NABP2: variants seen among roughly 807,000 people sequenced by gnomAD.
NABP2 encodes the protein nucleic acid binding protein 2, also known as SOSS complex subunit B1.
NABP2 carries 7 observed loss-of-function variants against 22.7 expected under a neutral mutation model. The ratio of observed to expected loss-of-function variants is 0.31; its 90% CI spans 0.18 to 0.58. The LOEUF (loss-of-function observed/expected upper bound fraction) is 0.58. NABP2 is among the 20% of genes least tolerant of loss of function. The pLI is 0.89. For synonymous variants in NABP2, 107 were observed against 99.2 expected, an observed-to-expected ratio of 1.08 and a Z score of -0.47; for missense variants, 188 against 265.9, an observed-to-expected ratio of 0.71 and a Z score of 2.04.
At chr12:56,224,726 G>T in intron 1 of NABP2, 108 bp from the exon 2 acceptor site, 1 of 1,049,780 alleles carries the variant, frequency 9.5e-7, no homozygotes, top group Non-Finnish European at 1.4e-6. Flanking sequence ...GGGTTAGAGG[G>T]GTTGAGGCTG....
At position 56,224,954 on chromosome 12, in the gene NABP2, C is replaced by A; in HGVS notation, c.79+19C>A. On this transcript the variant is annotated intron_variant, in intron 2 of 6. Coordinates refer to ENST00000267023, the MANE Select transcript of NABP2 (RefSeq NM_024068.4). ...GAGACAGGTGTCTATACTGGGGTGG[C>A]GGGTTCGCGGGATGGGGGTCGGGGG... 1 of 1,148,334 alleles carries A rather than the reference C, an allele frequency of 8.7e-7. No homozygotes were observed. The highest frequency in any genetic ancestry group is 1.2e-6 in the Non-Finnish European group (1 of 820,582). The allele number at this position is 1,148,334 out of a possible 1,614,324, so 71.1% of individuals were successfully genotyped here.
chr12:56,223,130 G>C (rs1869578107), upstream of NABP2, among the ~76,000 whole-genome samples: 1 of 152,158 alleles, frequency 6.6e-6, no homozygotes, highest in African/African-American at 2.4e-5. Flanking sequence ...CAGCTACTCG[G>C]GAGGCTGAGA....
intron 4 of NABP2, 50 bp from the exon 5 acceptor site, chr12:56,226,129 A>C: frequency 6.4e-7 from 1 of 1,551,490 alleles, no homozygotes; most frequent in Middle Eastern, 1.7e-4. Context: ...GGCCTCCAGC[A>C]GTGGCCCAGA....
At position 56,226,200 on chromosome 12, in the gene NABP2, G is replaced by A. The variant is rs11171780; in HGVS notation, c.312G>A (p.Glu104=). Reference sequence around the variant, plus strand: ...GCAGATTCTGTATGGTTTATTCTGAGGTTCCTAACTTCAGTGAGCCAAACC... The same window carrying A: ...GCAGATTCTGTATGGTTTATTCTGAAGTTCCTAACTTCAGTGAGCCAAACC... ...KIGEFCMVYS[E]VPNFSEPNPE... Residue 104 remains glutamate, a synonymous_variant, in exon 5 of 7, where the codon GAG becomes GAA. Coordinates refer to ENST00000267023, the MANE Select transcript of NABP2 (RefSeq NM_024068.4). The A allele has an allele frequency of 2.5e-6, 4 of 1,614,094 alleles. No homozygotes were observed. The East Asian group carries it at 8.9e-5, about 36-fold the overall frequency.
At chr12:56,223,370 T>C (rs1869595140), upstream of NABP2, among the ~76,000 whole-genome samples, 1 of 151,988 alleles carries the variant, frequency 6.6e-6, no homozygotes, top group South Asian at 2.1e-4. Flanking sequence ...GAGACCAGCC[T>C]GGGAAACATG....
rs958750134 is a variant in NABP2 at position 56,229,131 on chromosome 12, A to G, written c.554A>G (p.Asn185Ser). 4 of 1,308,222 alleles carry G rather than the reference A, an allele frequency of 3.1e-6. No homozygotes were observed. The highest frequency in any genetic ancestry group is 3.4e-5 in the African/African-American group (2 of 58,340). 81.0% of individuals were successfully genotyped at this position (1,308,222 alleles called of 1,614,324 possible). ...ACCCGAATCACTCGAAGCCAGCCCAACCACACACCTGCAGGCCCGCCTGGC... is the reference window on the plus strand; with the variant it reads ...ACCCGAATCACTCGAAGCCAGCCCAGCCACACACCTGCAGGCCCGCCTGGC... ...PSTRITRSQP[N>S]HTPAGPPGPS... Residue 185 changes from asparagine (N) to serine (S), a missense_variant, in exon 7 of 7, where the codon AAC becomes AGC. Transcript: ENST00000267023.
rs753131397 is a variant in NABP2 at position 56,229,734 on chromosome 12, CA to C, written c.*531del. On this transcript the variant is annotated 3_prime_UTR_variant, in exon 7 of 7. Coordinates refer to ENST00000267023, the MANE Select transcript of NABP2 (RefSeq NM_024068.4). ...GGGCAATAAGAGCGAAACTCCATCT[CA>C]AAAAAAAAAGAAAGAAAGAAAGAAA... 7.3e-5 allele frequency: 7 copies of C among 96,016 alleles called. No homozygotes were observed. The highest frequency in any genetic ancestry group is 1.2e-4 in the African/African-American group (4 of 34,686). The allele number at this position is 96,016 out of a possible 1,614,324, so 5.9% of individuals were successfully genotyped here.
At chr12:56,222,962 G>C (rs542319964), upstream of NABP2, among the ~76,000 whole-genome samples, 3 of 152,296 alleles carry the variant, frequency 2.0e-5, no homozygotes, top group South Asian at 6.2e-4. Flanking sequence ...ATGGCCGGGC[G>C]CGGTGGTTCA....
intron 6 of NABP2, among the ~76,000 whole-genome samples, chr12:56,227,035 A>G (rs1869806510): frequency 6.8e-6 from 1 of 147,768 alleles, no homozygotes. Context: ...TGGGCTGCAG[A>G]TATCTTAGTC....
intron 2 of NABP2, 132 bp downstream of exon 2, chr12:56,225,067 C>A: frequency 2.7e-6 from 2 of 727,588 alleles, no homozygotes; most frequent in East Asian, 2.7e-5. Context: ...CCAATCTCTT[C>A]GACCCTGGGA....
chr12:56,225,574 T>A (rs1205639812), intron 3 of NABP2, 50 bp from the exon 4 acceptor site: 1 of 1,613,962 alleles, frequency 6.2e-7, no homozygotes, highest in African/African-American at 1.3e-5. Context: ...GGGTTAACAG[T>A]CCCTATAACA....
rs777431698 is a variant in NABP2, at chr12:56,225,508, A to G, written c.215A>G (p.Lys72Arg). The change falls in exon 3 of 7, where the codon AAA becomes AGA. Residue 72 changes from lysine to arginine, a missense_variant. Physicochemically the swap from Lys to Arg is conservative, Grantham distance 26. Transcript: ENST00000267023. ...IQPGDIIRLTKGYASVFKGCL... is the reference protein window; with the variant it reads ...IQPGDIIRLTRGYASVFKGCL... ...CCTGGGGACATTATCCGGCTCACCA[A>G]AGGGTAAGTCAGCTGGTGACTTCTG... is the stretch of plus-strand genomic sequence containing the variant. 4 of 1,614,108 alleles carry G rather than the reference A, an allele frequency of 2.5e-6. No homozygotes were observed. The highest frequency in any genetic ancestry group is 3.4e-6 in the Non-Finnish European group (4 of 1,180,038).
At chr12:56,227,221 C>T (rs1869814839) in intron 6 of NABP2, among the ~76,000 whole-genome samples, 1 of 151,680 alleles carries the variant, frequency 6.6e-6, no homozygotes. Flanking sequence ...ATTAAAAATA[C>T]AAAAATTAGC....
rs1204234967 is a variant in NABP2 at position 56,225,382 on chromosome 12, C to T, written c.89C>T (p.Thr30Ile). 6.2e-7 allele frequency: 1 copy of T among 1,614,196 alleles called. No homozygotes were observed. Among genetic ancestry groups the T allele is most frequent in the Non-Finnish European group, 8.5e-7 (1 of 1,180,046 alleles). ...TATCTGTTCCGTTCAGGCCGAGTGACCAAGACAAAGGACGGGCATGAGGTT... is the reference window on the plus strand; with the variant it reads ...TATCTGTTCCGTTCAGGCCGAGTGATCAAGACAAAGGACGGGCATGAGGTT... The part of the protein sequence containing the change: ...IFIVLETGRV[T>I]KTKDGHEVRT... The change falls in exon 3 of 7, where the codon ACC becomes ATC. Residue 30 changes from threonine to isoleucine, a missense_variant. Transcript: ENST00000267023.
At chr12:56,227,470 T>C (rs1287482273) in intron 6 of NABP2, among the ~76,000 whole-genome samples, 1 of 152,072 alleles carries the variant, frequency 6.6e-6, no homozygotes, top group Non-Finnish European at 1.5e-5. Flanking sequence ...TGCCTTCATA[T>C]AACAAATGTT....
intron 6 of NABP2, 143 bp downstream of exon 6, chr12:56,226,562 T>C: frequency 3.2e-6 from 2 of 629,006 alleles, no homozygotes; most frequent in African/African-American, 2.1e-5. Flanking sequence ...GACCCCTTTT[T>C]TTTTTTTTTT....
At chr12:56,223,281 G>A (rs1426460862), upstream of NABP2, among the ~76,000 whole-genome samples, 2 of 152,098 alleles carry the variant, frequency 1.3e-5, no homozygotes, top group East Asian at 1.9e-4. Flanking sequence ...GAGTAGTATG[G>A]CCAGGTGCAG....
chr12:56,229,087 T>TACC lies in NABP2; in HGVS notation c.510_511insACC (p.Thr170dup). On this transcript the variant is annotated inframe_insertion, in exon 7 of 7. Transcript: ENST00000267023. ...GTGGTGGCCCACATCCCCCTCATACTCCCTCCCACCCACCCAGCACCCGAA... is the reference window on the plus strand; with the variant it reads ...GTGGTGGCCCACATCCCCCTCATACTACCCCCTCCCACCCACCCAGCACCCGAA... 2 of 1,512,340 alleles carry TACC rather than the reference T, an allele frequency of 1.3e-6. No individual in the cohort carries two copies. Among genetic ancestry groups the TACC allele is most frequent in the Non-Finnish European group, 9.1e-7 (1 of 1,102,012 alleles). The allele number at this position is 1,512,340 out of a possible 1,614,324, so 93.7% of individuals were successfully genotyped here.
In NABP2 at chr12:56,229,092, C is replaced by CG; in HGVS notation, c.515_516insG (p.His173ProfsTer28). 2 of 1,242,308 alleles carry CG rather than the reference C, an allele frequency of 1.6e-6. No homozygotes were observed. The highest frequency in any genetic ancestry group is 2.3e-6 in the Non-Finnish European group (2 of 863,362). The allele number at this position is 1,242,308 out of a possible 1,614,324, so 77.0% of individuals were successfully genotyped here. A position where few individuals can be genotyped will look rare whatever the true frequency, so the allele number is the denominator to read the frequency against. ...GGCCCACATCCCCCTCATACTCCCT[C>CG]CCACCCACCCAGCACCCGAATCACT... On this transcript the variant is annotated frameshift_variant, in exon 7 of 7. Transcript: ENST00000267023. LOFTEE classifies it high-confidence loss of function.
Sources: gnomAD v4.1 joint callset for allele counts (sites outside exome capture counted in the v4.1 genomes callset) on GRCh38, gnomAD v4.1.1 for gene constraint, MANE v1.5 for transcripts, NCBI Gene and HGNC (gene_info 2026-07-23, HGNC 2026-07-21) for gene names.